The following TP53BP2 variants were observed in gnomAD, a reference collection of about 807,000 sequenced individuals.
TP53BP2 encodes tumor protein p53 binding protein 2, also known as apoptosis-stimulating of p53 protein 2.
In TP53BP2, 62 loss-of-function variants were observed where a neutral mutation model predicts 126.2. The ratio of observed to expected loss-of-function variants is 0.49; its 90% confidence interval spans 0.40 to 0.61. The LOEUF (loss-of-function observed/expected upper bound fraction) is 0.61. Among genes scored for constraint, TP53BP2 ranks in the 20% least tolerant of loss-of-function variants. The pLI is 0.00. For synonymous variants in TP53BP2, 485 were observed against 502.9 expected, an observed-to-expected ratio of 0.96 and a Z score of 0.48; for missense variants, 1,215 against 1,402.8, an observed-to-expected ratio of 0.87 and a Z score of 2.14.
chr1:223,784,438 T>G lies in TP53BP2; in HGVS notation c.3164-124A>C. ...ACAGGCTGGAATGTTAGTACTACAT[T>G]AAATATACAATAAAATGTCCTGAGG... On this transcript the variant is annotated intron_variant, in intron 16 of 17. Coordinates refer to ENST00000343537, the MANE Select transcript of TP53BP2 (RefSeq NM_001031685.3). 3.7e-6 allele frequency: 3 copies of G among 808,368 alleles called. No homozygotes were observed. The South Asian group carries it at 5.1e-5, about 14-fold the overall frequency. The allele number at this position is 808,368 out of a possible 1,614,324, so 50.1% of individuals were successfully genotyped here. A position where few individuals can be genotyped will look rare whatever the true frequency, so the allele number is the denominator to read the frequency against.
chr1:223,824,222 T>C (rs1663413212), intron 1 of TP53BP2, among the ~76,000 whole-genome samples: 1 of 152,244 alleles, frequency 6.6e-6, no homozygotes, highest in African/African-American at 2.4e-5. Flanking sequence ...ACCCACACTT[T>C]AACAGAGATC....
intron 4 of TP53BP2, among the ~76,000 whole-genome samples, chr1:223,809,530 G>C (rs773377803): frequency 2.6e-5 from 4 of 151,938 alleles, no homozygotes; most frequent in Non-Finnish European, 5.9e-5. Flanking sequence ...TCACACCACT[G>C]CACTCCAGCC....
In TP53BP2 at chr1:223,821,886, A is replaced by G. The variant is rs187077039; in HGVS notation, c.28-519T>C. ...TAATGTACATATATTACCTATTCAA[A>G]AAATTGTACTTTTTTTTTTTTTGGA... On this transcript the variant is annotated intron_variant, in intron 1 of 17. Transcript: ENST00000343537. Among the ~76,000 whole-genome samples, 5 of 148,506 alleles carry G rather than the reference A, an allele frequency of 3.4e-5. No individual in the cohort carries two copies. The East Asian group carries it at 1.0e-3, about 30-fold the overall frequency.
At chr1:223,792,299 A>T in intron 15 of TP53BP2, 90 bp downstream of exon 15, 1 of 1,431,824 alleles carries the variant, frequency 7.0e-7, no homozygotes, top group East Asian at 2.5e-5. Flanking sequence ...TAACTGACAT[A>T]CTTCTTTGTC....
intron 1 of TP53BP2, among the ~76,000 whole-genome samples, chr1:223,830,617 G>C (rs1025684831): frequency 2.0e-5 from 3 of 150,506 alleles, no homozygotes; most frequent in Non-Finnish European, 4.4e-5. Flanking sequence ...TATATAGTAA[G>C]ATGGAAAACT....
rs914921250 is a variant in TP53BP2 at position 223,845,785 on chromosome 1, AGGCGGCGGCGGC to A, written c.-117_-106del. 8.7e-7 allele frequency: 1 copy of A among 1,150,036 alleles called. No individual in the cohort carries two copies. Among genetic ancestry groups the A allele is most frequent in the Non-Finnish European group, 1.1e-6 (1 of 914,538 alleles). 71.2% of individuals were successfully genotyped at this position (1,150,036 alleles called of 1,614,324 possible). On this transcript the variant is annotated 5_prime_UTR_variant, in exon 1 of 18. Coordinates refer to ENST00000343537, the MANE Select transcript of TP53BP2 (RefSeq NM_001031685.3). ...AGCGAGGCCGCCCGGACCTGTTGCG[AGGCGGCGGCGGC>A]GGCAGCGGCGGCGCGCGGGTCCGAA...
At chr1:223,794,113 C>T (rs1175049006) in intron 13 of TP53BP2, among the ~76,000 whole-genome samples, 1 of 151,342 alleles carries the variant, frequency 6.6e-6, no homozygotes, top group Non-Finnish European at 1.5e-5. Flanking sequence ...TTAGGTATAA[C>T]AAGGATAAAT....
chr1:223,781,076 C>T (rs186640912), intron 17 of TP53BP2, among the ~76,000 whole-genome samples, 182 bp from the exon 18 acceptor site: 1 of 152,190 alleles, frequency 6.6e-6, no homozygotes, highest in Non-Finnish European at 1.5e-5. Flanking sequence ...CATAGCTAGA[C>T]TCAGCAGGAC....
At chr1:223,810,364 T>A in intron 4 of TP53BP2, 67 bp downstream of exon 4, 2 of 1,178,158 alleles carry the variant, frequency 1.7e-6, no homozygotes, top group Non-Finnish European at 2.3e-6. Flanking sequence ...TAATAATGAA[T>A]AAGATTTAAA....
intron 1 of TP53BP2, among the ~76,000 whole-genome samples, chr1:223,824,860 GCATGTTCC>G (rs1663433209): frequency 6.6e-6 from 1 of 151,720 alleles, no homozygotes; most frequent in Non-Finnish European, 1.5e-5. Flanking sequence ...AACACACCAG[GCATGTTCC>G]CAGGTGGGAG....
chr1:223,807,412 C>G (rs1662761546), intron 4 of TP53BP2, among the ~76,000 whole-genome samples: 1 of 152,032 alleles, frequency 6.6e-6, no homozygotes, highest in African/African-American at 2.4e-5. Flanking sequence ...CAAGGACATC[C>G]ACTCTCACAA....
chr1:223,781,301 C>G (rs539644923), intron 17 of TP53BP2, among the ~76,000 whole-genome samples: 77 of 152,226 alleles, frequency 5.1e-4, no homozygotes, highest in Non-Finnish European at 9.8e-4. Context: ...AGACTGAATT[C>G]TTTTACCTTT....
At chr1:223,802,950 A>G (rs759145926) in intron 7 of TP53BP2, 55 bp from the exon 8 acceptor site, 1 of 1,589,308 alleles carries the variant, frequency 6.3e-7, no homozygotes. Flanking sequence ...AAAATGTCTC[A>G]AACAGTTAAT....
At chr1:223,841,209 C>G (rs1664092544) in intron 1 of TP53BP2, among the ~76,000 whole-genome samples, 1 of 151,584 alleles carries the variant, frequency 6.6e-6, no homozygotes, top group Non-Finnish European at 1.5e-5. Flanking sequence ...CGCCACTGCA[C>G]TCCAGCCTGG....
chr1:223,791,867 A>C (rs1307673335), intron 15 of TP53BP2, among the ~76,000 whole-genome samples: 1 of 152,118 alleles, frequency 6.6e-6, no homozygotes, highest in Non-Finnish European at 1.5e-5. Flanking sequence ...TTATTATTTA[A>C]TATTGACTAA....
intron 1 of TP53BP2, among the ~76,000 whole-genome samples, chr1:223,832,157 A>G (rs796779397): frequency 6.6e-6 from 1 of 152,236 alleles, no homozygotes. Context: ...AGGAACCAAG[A>G]GTATAAGATG....
At chr1:223,833,391 G>A (rs1389600963) in intron 1 of TP53BP2, among the ~76,000 whole-genome samples, 4 of 152,072 alleles carry the variant, frequency 2.6e-5, no homozygotes, top group Non-Finnish European at 4.4e-5. Context: ...AATCAATAAC[G>A]TGAAGTCTCA....
rs540453804 is a variant in TP53BP2 at position 223,804,480 on chromosome 1, C to T, written c.475-132G>A. The T allele has an allele frequency of 1.4e-3, 1,039 of 764,746 alleles. 15 individuals are homozygous for T. In the South Asian group the frequency reaches 0.017, roughly 12 times the overall value. 47.4% of individuals were successfully genotyped at this position (764,746 alleles called of 1,614,324 possible). A position where few individuals can be genotyped will look rare whatever the true frequency, so the allele number is the denominator to read the frequency against. ...AACCCTGGTCTGGTCTCACCTTCTT[C>T]CTAAACACTGCCATCAGAATCACAC... On this transcript the variant is annotated intron_variant, in intron 5 of 17. Transcript: ENST00000343537.
intron 5 of TP53BP2, 52 bp downstream of exon 5, chr1:223,806,794 A>G (rs1166785697): frequency 2.0e-6 from 3 of 1,466,744 alleles, no homozygotes; most frequent in Non-Finnish European, 2.9e-6. Context: ...ACTGCACTCC[A>G]GCCTAGGCGA....
Sources: gnomAD v4.1 joint callset for allele counts (sites outside exome capture counted in the v4.1 genomes callset) on GRCh38, gnomAD v4.1.1 for gene constraint, MANE v1.5 for transcripts, NCBI Gene and HGNC (gene_info 2026-07-23, HGNC 2026-07-21) for gene names.